SAMD3: variants seen among roughly 807,000 people sequenced by gnomAD.
SAMD3 encodes the protein sterile alpha motif domain containing 3, also known as sterile alpha motif domain-containing protein 3.
In SAMD3, 63 loss-of-function variants were observed where a neutral mutation model predicts 58.5. The ratio of observed to expected loss-of-function variants is 1.08; its 90% CI spans 0.88 to 1.33. The LOEUF (loss-of-function observed/expected upper bound fraction) is 1.33, where lower values mean the gene tolerates loss of function less well. SAMD3 is among the 40% of genes most tolerant of loss of function. SAMD3 has a pLI of 0.00. For synonymous variants in SAMD3, 220 were observed against 210.3 expected (o/e 1.05, Z -0.40); for missense variants, 604 against 608.4 (o/e 0.99, Z 0.08).
rs564684278 is a variant in SAMD3, at chr6:130,242,803, A to T, written c.-187-19990T>A. On this transcript the variant is annotated intron_variant, in intron 2 of 13. Coordinates refer to the SAMD3 transcript ENST00000368134. ...TAAGATGTGGGGAAATGCAGTTGCC[A>T]ATGGTTTGCCTTCAGCTTAGGAAGC... 1.1e-4 allele frequency among the ~76,000 whole-genome samples: 17 copies of T among 152,316 alleles called. No individual in the cohort carries two copies. In the South Asian group the frequency reaches 3.5e-3, roughly 32 times the overall value.
At position 130,184,632 on chromosome 6, in the gene SAMD3, T is replaced by C. The variant is rs777011210; in HGVS notation, c.384-9A>G. The C allele has an allele frequency of 3.8e-6, 6 of 1,594,786 alleles. No individual in the cohort carries two copies. In the South Asian group the frequency reaches 5.6e-5, roughly 15 times the overall value. ...TTTGTTTCACATTTCTTCTGTGAAA[T>C]AAAAACACACAAAGAATGAAATTCT... On this transcript the variant is annotated splice_polypyrimidine_tract_variant and intron_variant, in intron 5 of 11. Coordinates refer to ENST00000439090, the MANE Select transcript of SAMD3 (RefSeq NM_001017373.4).
intron 1 of SAMD3, among the ~76,000 whole-genome samples, chr6:130,362,328 G>A (rs972479500): frequency 1.5e-4 from 23 of 152,134 alleles, no homozygotes; most frequent in Non-Finnish European, 7.3e-5. Context: ...GCCGAGTCTC[G>A]GACTATGCTT....
chr6:130,201,971 A>C (rs1000875516), intron 5 of SAMD3, among the ~76,000 whole-genome samples: 1 of 152,200 alleles, frequency 6.6e-6, no homozygotes, highest in Non-Finnish European at 1.5e-5. Flanking sequence ...CTTGTCTACC[A>C]GACTCTGAAT....
intron 2 of SAMD3, 36 bp from the exon 3 acceptor site, chr6:130,215,330 T>G: frequency 7.2e-7 from 1 of 1,395,910 alleles, no homozygotes; most frequent in Non-Finnish European, 9.6e-7. Context: ...CTCCAGCTTT[T>G]CTTTCTGATT....
At chr6:130,168,773 T>G (rs976378637) in intron 8 of SAMD3, among the ~76,000 whole-genome samples, 5 of 152,224 alleles carry the variant, frequency 3.3e-5, no homozygotes, top group African/African-American at 1.2e-4. Flanking sequence ...CAAGTGTGTC[T>G]TAAACATTTT....
intron 2 of SAMD3, among the ~76,000 whole-genome samples, chr6:130,302,222 A>C (rs922498911): frequency 3.3e-5 from 5 of 152,310 alleles, no homozygotes; most frequent in African/African-American, 1.2e-4. Flanking sequence ...AATATCCAGA[A>C]TCTATATGGA....
chr6:130,153,739 G>C (rs1382048277), intron 9 of SAMD3, among the ~76,000 whole-genome samples: 1 of 150,448 alleles, frequency 6.6e-6, no homozygotes, highest in African/African-American at 2.4e-5. Flanking sequence ...CAGTGGCTCA[G>C]TCATGGCTCA....
At chr6:130,303,311 G>A (rs1562509707) in intron 2 of SAMD3, among the ~76,000 whole-genome samples, 1 of 152,024 alleles carries the variant, frequency 6.6e-6, no homozygotes, top group Non-Finnish European at 1.5e-5. Context: ...ACCACATATG[G>A]CCAATGACAT....
Position 130,230,450 on chromosome 6 carries a change from C to A in SAMD3, c.-187-7637G>T, listed in dbSNP as rs775853974. On this transcript the variant is annotated intron_variant, in intron 2 of 13. Coordinates refer to the SAMD3 transcript ENST00000368134. ...TCTCCCAGGCTGGAGTGCAATGGTG[C>A]AATCTCAGCTCACTGAAACCTCTGC... 4.1e-4 allele frequency among the ~76,000 whole-genome samples: 62 copies of A among 152,176 alleles called. No individual in the cohort carries two copies. In the Middle Eastern group the frequency reaches 0.01, roughly 25 times the overall value.
At chr6:130,261,522 A>G (rs941993698) in intron 2 of SAMD3, among the ~76,000 whole-genome samples, 1 of 152,006 alleles carries the variant, frequency 6.6e-6, no homozygotes, top group Non-Finnish European at 1.5e-5. Context: ...TTTGGTTTTG[A>G]TTTTGATTTG....
At chr6:130,271,307 G>A (rs1460615927) in intron 2 of SAMD3, among the ~76,000 whole-genome samples, 2 of 152,090 alleles carry the variant, frequency 1.3e-5, no homozygotes, top group East Asian at 3.9e-4. Context: ...CCTCTTGTCA[G>A]CAATCTATAA....
At chr6:130,293,011 C>T (rs1245287714) in intron 2 of SAMD3, among the ~76,000 whole-genome samples, 1 of 152,180 alleles carries the variant, frequency 6.6e-6, no homozygotes, top group Non-Finnish European at 1.5e-5. Flanking sequence ...CTGTTTCTAT[C>T]TGTTTCTAAT....
At chr6:130,157,913 T>C (rs997552220) in intron 8 of SAMD3, among the ~76,000 whole-genome samples, 1 of 148,552 alleles carries the variant, frequency 6.7e-6, no homozygotes, top group Non-Finnish European at 1.5e-5. Context: ...TACGCTAACA[T>C]AGAAAATACA....
chr6:130,252,718 C>A (rs17058617), intron 2 of SAMD3, among the ~76,000 whole-genome samples: 1 of 151,976 alleles, frequency 6.6e-6, no homozygotes, highest in East Asian at 1.9e-4. Flanking sequence ...GTTGGAATTC[C>A]TTTGTGGCAA....
chr6:130,166,948 C>T (rs1384363681), intron 8 of SAMD3, among the ~76,000 whole-genome samples: 4 of 152,114 alleles, frequency 2.6e-5, no homozygotes, highest in African/African-American at 7.2e-5. Context: ...TGAAGAGCAA[C>T]TGGTCAAATT....
intron 7 of SAMD3, among the ~76,000 whole-genome samples, chr6:130,180,953 C>CTTTCTTTTTTTT (rs56707260): frequency 2.6e-4 from 30 of 117,382 alleles, no homozygotes; most frequent in South Asian, 2.7e-4. Context: ...TTCTTTCTTT[C>CTTTCTTTTTTTT]TTTTTTCTTT....
chr6:130,345,455 A>C (rs116243816), intron 1 of SAMD3, among the ~76,000 whole-genome samples: 1,928 of 152,254 alleles, frequency 0.013, 37 homozygotes, highest in African/African-American at 0.044. Context: ...AAACAGGAGA[A>C]GCTGTGTTAA....
At chr6:130,356,571 G>T (rs2115041625) in intron 1 of SAMD3, among the ~76,000 whole-genome samples, 1 of 152,268 alleles carries the variant, frequency 6.6e-6, no homozygotes, top group African/African-American at 2.4e-5. Flanking sequence ...GTCATTAAGG[G>T]TGAAGACTAT....
At chr6:130,259,933 T>C (rs752431562) in intron 2 of SAMD3, among the ~76,000 whole-genome samples, 1 of 152,228 alleles carries the variant, frequency 6.6e-6, no homozygotes. Context: ...TTCTCTGCAA[T>C]TTTATCACGT....
Sources: gnomAD v4.1 joint callset for allele counts (sites outside exome capture counted in the v4.1 genomes callset) on GRCh38, gnomAD v4.1.1 for gene constraint, MANE v1.5 for transcripts, NCBI Gene and HGNC (gene_info 2026-07-23, HGNC 2026-07-21) for gene names.